Variants in JADE3 observed in about 807,000 individuals in gnomAD.
JADE3 encodes protein Jade-3.
JADE3 carries 2 observed loss-of-function variants against 50.1 expected under a neutral mutation model. The ratio of observed to expected loss-of-function variants is 0.04; its 90% CI spans 0.02 to 0.13. JADE3 has a LOEUF of 0.13. Ranked by LOEUF, JADE3 falls within the 10% of genes least tolerant of loss-of-function variation. The probability of loss-of-function intolerance (pLI) is 1.00; values close to 1 mark genes in which losing one functional copy is unlikely to be tolerated. For synonymous variants in JADE3, 218 were observed against 232.9 expected (o/e 0.94, Z 0.58); for missense variants, 475 against 634.4 (o/e 0.75, Z 2.70).
At position 46,989,340 on chromosome X, in the gene JADE3, T is replaced by C. The variant is rs781974331; in HGVS notation, c.126+3548T>C. On this transcript the variant is annotated intron_variant, in intron 3 of 10. Transcript: ENST00000614628. ...GTTCCCATTTTTCTTTTTTGTTCAT[T>C]TGTTTCTGTTTGAAGAATTTCCTTT... Among the ~76,000 whole-genome samples, 4 of 112,165 alleles carry C rather than the reference T, an allele frequency of 3.6e-5. No individual in the cohort carries two copies. The South Asian group carries it at 1.5e-3, about 42-fold the overall frequency.
chrX:46,952,952 C>T (rs1217092556), intron 1 of JADE3, among the ~76,000 whole-genome samples: 8 of 109,328 alleles, frequency 7.3e-5, no homozygotes, highest in Non-Finnish European at 1.5e-4. Context: ...GAGCCAATAT[C>T]GCTGCAGTCC....
Position 47,058,373 on chromosome X carries a change from A to G in JADE3, c.1768A>G (p.Thr590Ala). The G allele has an allele frequency of 8.3e-7, 1 of 1,210,856 alleles. No individual in the cohort carries two copies. The highest frequency in any genetic ancestry group is 1.1e-6 in the Non-Finnish European group (1 of 894,963). The part of the protein sequence containing the change: ...QVPQESLEMR[T>A]KSYPRYPLES... ...GCCTCAGGAGTCACTAGAAATGAGA[A>G]CAAAATCGTATCCGAGATACCCACT... The change falls in exon 11 of 11, where the codon ACA becomes GCA. Residue 590 changes from threonine (T) to alanine (A), a missense_variant. By Grantham distance (58) the Thr-to-Ala change is moderately conservative. Around this residue, in one of 6 missense-constraint regions of JADE3, gnomAD observed 243 missense variants for 238.2 expected, o/e 1.02. Coordinates refer to ENST00000614628, the MANE Select transcript of JADE3 (RefSeq NM_014735.5).
intron 1 of JADE3, among the ~76,000 whole-genome samples, chrX:46,933,108 A>G (rs1556340195): frequency 8.9e-6 from 1 of 111,822 alleles, no homozygotes; most frequent in African/African-American, 3.3e-5. Context: ...TCCTTTTCAT[A>G]CTACTGAACA....
intron 7 of JADE3, among the ~76,000 whole-genome samples, chrX:47,034,829 G>T (rs1417304602): frequency 9.5e-6 from 1 of 105,406 alleles, no homozygotes; most frequent in Non-Finnish European, 1.9e-5. Flanking sequence ...AGCCAGCATG[G>T]TCTCGATCTC....
At chrX:47,042,000 T>G (rs920626722) in intron 8 of JADE3, among the ~76,000 whole-genome samples, 1 of 110,789 alleles carries the variant, frequency 9.0e-6, no homozygotes, top group Admixed American at 9.6e-5. Context: ...TTTTTTCTTT[T>G]TTTTTTAAAG....
intron 3 of JADE3, among the ~76,000 whole-genome samples, chrX:46,996,378 T>C (rs932229335): frequency 3.6e-5 from 4 of 112,396 alleles, no homozygotes; most frequent in African/African-American, 6.5e-5. Flanking sequence ...CCACATTTCA[T>C]TGGCCTCTGC....
At chrX:46,992,548 T>G (rs1408071945) in intron 3 of JADE3, among the ~76,000 whole-genome samples, 1 of 111,714 alleles carries the variant, frequency 9.0e-6, no homozygotes, top group Non-Finnish European at 1.9e-5. Context: ...TGGGTATTTG[T>G]GCTGTGATTC....
chrX:46,988,024 A>G (rs1927902108), intron 3 of JADE3, among the ~76,000 whole-genome samples: 1 of 112,251 alleles, frequency 8.9e-6, no homozygotes, highest in South Asian at 3.7e-4. Flanking sequence ...TAACATGGAC[A>G]TTATCATACC....
At chrX:46,994,405 C>A (rs781824635) in intron 3 of JADE3, among the ~76,000 whole-genome samples, 1 of 112,047 alleles carries the variant, frequency 8.9e-6, no homozygotes, top group African/African-American at 3.2e-5. Flanking sequence ...AGTACAAAGC[C>A]TTTTTGTTTC....
intron 1 of JADE3, among the ~76,000 whole-genome samples, chrX:46,923,393 C>CTCTTTTTTTTTTTT (rs1556338199): frequency 1.1e-3 from 13 of 11,522 alleles, no homozygotes; most frequent in East Asian, 7.2e-3. Context: ...CTCTCTCTCT[C>CTCTTTTTTTTTTTT]TTTTTTTTTT....
chrX:46,941,923 G>A (rs868952829), intron 1 of JADE3, among the ~76,000 whole-genome samples: 1 of 48,273 alleles, frequency 2.1e-5, no homozygotes, highest in South Asian at 8.0e-4. Flanking sequence ...TTTTTTTTTT[G>A]TAGAGGCAGG....
chrX:46,923,652 C>T (rs782053401), intron 1 of JADE3, among the ~76,000 whole-genome samples: 8 of 108,756 alleles, frequency 7.4e-5, no homozygotes, highest in African/African-American at 1.0e-4. Flanking sequence ...TAGGTTCAAG[C>T]GATCCTCCTG....
intron 1 of JADE3, among the ~76,000 whole-genome samples, chrX:46,957,025 A>G (rs1048811319): frequency 1.8e-5 from 2 of 110,299 alleles, no homozygotes; most frequent in African/African-American, 6.6e-5. Flanking sequence ...AGGTTTCTCC[A>G]TGTTGCCAAG....
chrX:46,917,322 A>G (rs1926108255), intron 1 of JADE3, among the ~76,000 whole-genome samples: 2 of 111,318 alleles, frequency 1.8e-5, no homozygotes, highest in South Asian at 7.7e-4. Context: ...GGACATTACC[A>G]TATAGGATAA....
intron 3 of JADE3, among the ~76,000 whole-genome samples, chrX:46,992,469 T>C (rs919925567): frequency 9.4e-6 from 1 of 105,873 alleles, no homozygotes; most frequent in Non-Finnish European, 1.9e-5. Flanking sequence ...ATGTTCCTGC[T>C]GTGGCTTCTG....
chrX:47,047,382 A>G (rs954070575), intron 8 of JADE3, among the ~76,000 whole-genome samples: 9 of 110,673 alleles, frequency 8.1e-5, no homozygotes, highest in African/African-American at 9.9e-5. Context: ...CTCCGTCTCT[A>G]CTAAAAATAC....
intron 8 of JADE3, among the ~76,000 whole-genome samples, chrX:47,046,142 G>GA (rs1274462983): frequency 7.4e-5 from 8 of 108,558 alleles, no homozygotes; most frequent in South Asian, 3.9e-4. Flanking sequence ...AACTCACTGA[G>GA]AAAAAAAAAG....
At chrX:47,040,953 T>C (rs1377590280) in intron 8 of JADE3, among the ~76,000 whole-genome samples, 3 of 112,360 alleles carry the variant, frequency 2.7e-5, no homozygotes, top group African/African-American at 9.7e-5. Flanking sequence ...CAGAATTGGC[T>C]ACTTCTTCTT....
chrX:46,938,840 T>G (rs782361866), intron 1 of JADE3, among the ~76,000 whole-genome samples: 1 of 112,608 alleles, frequency 8.9e-6, no homozygotes, highest in South Asian at 3.7e-4. Context: ...CCATGGTTTC[T>G]TTTTTGAGAC....
Sources: gnomAD v4.1 joint callset for allele counts (sites outside exome capture counted in the v4.1 genomes callset) on GRCh38, gnomAD v4.1.1 for gene constraint, gnomAD v4.1.1 regional missense constraint, MANE v1.5 for transcripts, NCBI Gene and HGNC (gene_info 2026-07-23, HGNC 2026-07-21) for gene names.